Variants in CAST observed in about 807,000 individuals in gnomAD.
The protein encoded by CAST is calpastatin, also known as MIR583 host.
Under a neutral mutation model 119.6 loss-of-function variants are expected in CAST, and 76 were observed. The observed-to-expected ratio is 0.64, with a 90% CI of 0.53 to 0.77. The LOEUF (loss-of-function observed/expected upper bound fraction) is 0.77, where lower values mean the gene tolerates loss of function less well. Ranked by LOEUF, CAST falls within the 30% of genes least tolerant of loss-of-function variation. The pLI is 0.00. For missense variants in CAST, 953 were observed against 946.5 expected (o/e 1.01, Z -0.09); for synonymous variants, 319 against 331.6 (o/e 0.96, Z 0.41).
the CAST span, among the ~76,000 whole-genome samples, chr5:96,196,335 G>T: frequency 3.3e-5 from 5 of 151,832 alleles, no homozygotes; most frequent in Non-Finnish European, 7.4e-5. Flanking sequence ...TTGCGTCTAG[G>T]TTCTGTTTGC....
At chr5:96,246,941 A>G in the CAST span, among the ~76,000 whole-genome samples, 1 of 152,262 alleles carries the variant, frequency 6.6e-6, no homozygotes, top group Admixed American at 6.5e-5. Context: ...TTCTTTTCAT[A>G]GCAAGCATTA....
the CAST span, among the ~76,000 whole-genome samples, chr5:96,098,119 A>G: frequency 6.6e-6 from 1 of 152,176 alleles, no homozygotes; most frequent in Non-Finnish European, 1.5e-5. Flanking sequence ...GGGCACATGT[A>G]TGTCTTCTTT....
At chr5:96,546,851 A>T (rs1304955698) in intron 1 of CAST, among the ~76,000 whole-genome samples, 1 of 152,194 alleles carries the variant, frequency 6.6e-6, no homozygotes, top group African/African-American at 2.4e-5. Flanking sequence ...ATATTCAATT[A>T]ACATAGTGTC....
At chr5:96,252,446 C>A in the CAST span, among the ~76,000 whole-genome samples, 2 of 152,098 alleles carry the variant, frequency 1.3e-5, no homozygotes, top group African/African-American at 4.8e-5. Flanking sequence ...AAACTTACGA[C>A]TAAATGACTA....
intron 6 of CAST, 131 bp from the exon 7 acceptor site, chr5:96,729,022 C>A: frequency 1.6e-6 from 1 of 623,022 alleles, no homozygotes; most frequent in Non-Finnish European, 2.9e-6. Flanking sequence ...AAGAGTGGGC[C>A]TGAGTGGGCC....
chr5:96,450,994 G>T, the CAST span, among the ~76,000 whole-genome samples: 1 of 152,152 alleles, frequency 6.6e-6, no homozygotes, highest in Non-Finnish European at 1.5e-5. Context: ...CTCCTGGGAT[G>T]TCCTGCTTCT....
At chr5:96,585,625 C>T (rs1327676668) in intron 1 of CAST, among the ~76,000 whole-genome samples, 2 of 152,166 alleles carry the variant, frequency 1.3e-5, no homozygotes. Flanking sequence ...TGATTAACTG[C>T]ACCCAGCATT....
intron 1 of CAST, among the ~76,000 whole-genome samples, chr5:96,544,523 A>G (rs1745969859): frequency 6.6e-6 from 1 of 152,186 alleles, no homozygotes; most frequent in Non-Finnish European, 1.5e-5. Context: ...CAGTTCCTGT[A>G]CTATCTGTGA....
At chr5:95,976,535 A>G in the CAST span, among the ~76,000 whole-genome samples, 1 of 152,194 alleles carries the variant, frequency 6.6e-6, no homozygotes, top group African/African-American at 2.4e-5. Flanking sequence ...AACTTAAAGC[A>G]AAGAGAGTTA....
the CAST span, among the ~76,000 whole-genome samples, chr5:96,141,166 G>T: frequency 2.0e-5 from 3 of 151,432 alleles, no homozygotes; most frequent in Non-Finnish European, 4.4e-5. Context: ...TTCAGTGAAT[G>T]ATAATTCCTA....
At chr5:96,677,206 C>A (rs897872359) in intron 2 of CAST, among the ~76,000 whole-genome samples, 1 of 152,108 alleles carries the variant, frequency 6.6e-6, no homozygotes, top group Non-Finnish European at 1.5e-5. Context: ...TTCTCCAGAC[C>A]AGTAAACAAT....
At chr5:96,728,472 A>AG (rs1448650133) in intron 6 of CAST, 21 of 137,330 alleles carry the variant, frequency 1.5e-4, no homozygotes, top group Middle Eastern at 3.8e-3. Context: ...CTATGAAAGG[A>AG]GTTTTTTTTT....
At chr5:96,350,078 C>T in the CAST span, among the ~76,000 whole-genome samples, 1 of 152,236 alleles carries the variant, frequency 6.6e-6, no homozygotes, top group East Asian at 1.9e-4. Flanking sequence ...AAAGTGTCTG[C>T]GACAGGTCTC....
chr5:96,425,156 G>T, the CAST span, among the ~76,000 whole-genome samples: 1 of 152,162 alleles, frequency 6.6e-6, no homozygotes, highest in African/African-American at 2.4e-5. Flanking sequence ...TGTTTTTCAA[G>T]AGAAATAATC....
At chr5:96,738,991 A>G (rs971677486) in intron 11 of CAST, among the ~76,000 whole-genome samples, 20 of 152,058 alleles carry the variant, frequency 1.3e-4, no homozygotes, top group African/African-American at 4.6e-4. Context: ...TGCAACAGAC[A>G]TAACAAAGGG....
chr5:96,558,069 C>A (rs1487289087), intron 1 of CAST, among the ~76,000 whole-genome samples: 2 of 152,208 alleles, frequency 1.3e-5, no homozygotes, highest in African/African-American at 2.4e-5. Flanking sequence ...AACCGCTCAA[C>A]TACATGGAAA....
chr5:96,736,391 T>C, intron 10 of CAST, 151 bp downstream of exon 10: 1 of 543,912 alleles, frequency 1.8e-6, no homozygotes, highest in Non-Finnish European at 3.2e-6. Context: ...ATTGAAAGTG[T>C]GGGTTGGAAG....
the CAST span, among the ~76,000 whole-genome samples, chr5:96,519,740 G>C: frequency 6.6e-6 from 1 of 152,088 alleles, no homozygotes; most frequent in Non-Finnish European, 1.5e-5. Context: ...CCGAGTAGTT[G>C]GGACTACAGG....
chr5:96,545,631 C>T (rs1445159155), intron 1 of CAST, among the ~76,000 whole-genome samples: 1 of 152,262 alleles, frequency 6.6e-6, no homozygotes, highest in African/African-American at 2.4e-5. Flanking sequence ...ATAGATTAGG[C>T]AGTCATTAGT....
Sources: allele counts gnomAD v4.1 joint callset (sites outside exome capture counted in the v4.1 genomes callset), GRCh38; gene constraint gnomAD v4.1.1; transcripts MANE v1.5; gene names NCBI Gene and HGNC (gene_info 2026-07-23, HGNC 2026-07-21).